SHANK2: variants seen among roughly 807,000 people sequenced by gnomAD.
SHANK2 encodes SH3 and multiple ankyrin repeat domains 2, also known as SH3 and multiple ankyrin repeat domains protein 2.
Under a neutral mutation model 133.7 loss-of-function variants are expected in SHANK2, and 43 were observed. The observed-to-expected ratio is 0.32, with a 90% CI of 0.25 to 0.41. The LOEUF is 0.41. Ranked by LOEUF, SHANK2 falls within the 10% of genes least tolerant of loss-of-function variation. SHANK2 has a pLI of 1.00. For missense variants in SHANK2, 1,994 were observed against 2,235.8 expected, an observed-to-expected ratio of 0.89 and a Z score of 2.18; for synonymous variants, 1,017 against 952.8, an observed-to-expected ratio of 1.07 and a Z score of -1.24.
At position 70,863,828 on chromosome 11, in the gene SHANK2, A is replaced by T. The variant is rs369445840; in HGVS notation, c.1174+32673T>A. The T allele has an allele frequency of 9.8e-5, 45 of 457,780 alleles. 1 individual carries two copies. Among genetic ancestry groups the T allele is most frequent in the East Asian group, 4.9e-4 (7 of 14,382 alleles). 28.4% of individuals were successfully genotyped at this position (457,780 alleles called of 1,614,324 possible). On this transcript the variant is annotated intron_variant, in intron 11 of 25. Transcript: ENST00000601538. ...AGAAGAGGAAACCTGGACAGACAGGAAGAAACCGAGTGAGGATGACGACAG... is the reference window on the plus strand; with the variant it reads ...AGAAGAGGAAACCTGGACAGACAGGTAGAAACCGAGTGAGGATGACGACAG...
At chr11:70,935,434 G>A (rs1950558690) in intron 10 of SHANK2, among the ~76,000 whole-genome samples, 6 of 152,110 alleles carry the variant, frequency 3.9e-5, no homozygotes, top group East Asian at 1.9e-4. Flanking sequence ...CCCCTATTAC[G>A]TGGTTAGCCA....
intron 10 of SHANK2, among the ~76,000 whole-genome samples, chr11:70,951,927 T>C (rs1950851191): frequency 6.6e-6 from 1 of 152,242 alleles, no homozygotes; most frequent in Admixed American, 6.5e-5. Flanking sequence ...AGAGGACATC[T>C]TTCAAGATTA....
intron 3 of SHANK2, among the ~76,000 whole-genome samples, chr11:71,143,821 G>T (rs576196556): frequency 6.6e-6 from 1 of 151,940 alleles, no homozygotes; most frequent in South Asian, 2.1e-4. Flanking sequence ...GTGACCAGGG[G>T]CTTGTAGGAA....
At chr11:70,906,018 G>A (rs1028309366) in intron 10 of SHANK2, among the ~76,000 whole-genome samples, 4 of 152,052 alleles carry the variant, frequency 2.6e-5, no homozygotes, top group African/African-American at 2.4e-5. Flanking sequence ...TCACCATGCT[G>A]GCCAGGCTGA....
chr11:71,158,321 T>A (rs1952942270), intron 2 of SHANK2, among the ~76,000 whole-genome samples: 2 of 151,778 alleles, frequency 1.3e-5, no homozygotes, highest in Admixed American at 6.6e-5. Context: ...ACATTAGCAA[T>A]AAACAATTGA....
At chr11:70,949,332 T>G (rs1218203888) in intron 10 of SHANK2, among the ~76,000 whole-genome samples, 1 of 152,166 alleles carries the variant, frequency 6.6e-6, no homozygotes, top group Non-Finnish European at 1.5e-5. Flanking sequence ...TCCCCAGGCC[T>G]GGCATGCTGC....
intron 17 of SHANK2, among the ~76,000 whole-genome samples, chr11:70,531,177 A>AAC (rs2059464225): frequency 6.8e-6 from 1 of 146,238 alleles, no homozygotes; most frequent in Non-Finnish European, 1.5e-5. Flanking sequence ...AAAAAAAAAA[A>AAC]AAAACAAAAA....
At position 70,869,166 on chromosome 11, in the gene SHANK2, C is replaced by A. The variant is rs144765367; in HGVS notation, c.1174+27335G>T. On this transcript the variant is annotated intron_variant, in intron 11 of 25. Transcript: ENST00000601538. Reference sequence around the variant, plus strand: ...TCTACAAGCCAAGGAGAGAGGTCTCCGGAGGAACCAGTCCAGAGACCCCTT... The same window carrying A: ...TCTACAAGCCAAGGAGAGAGGTCTCAGGAGGAACCAGTCCAGAGACCCCTT... Among the ~76,000 whole-genome samples, 3 of 152,132 alleles carry A rather than the reference C, an allele frequency of 2.0e-5. No individual in the cohort carries two copies. The East Asian group carries it at 5.8e-4, about 29-fold the overall frequency.
rs2059526844 is a variant in SHANK2 at position 70,535,052 on chromosome 11, A to G, written c.2062-32121T>C. Reference sequence around the variant, plus strand: ...AGCTCTCACACTCTGCTTCCCACCCATGTTGAACAGGGCAGAGCTGACCTG... The same window carrying G: ...AGCTCTCACACTCTGCTTCCCACCCGTGTTGAACAGGGCAGAGCTGACCTG... On this transcript the variant is annotated intron_variant, in intron 17 of 25. Coordinates refer to ENST00000601538, the MANE Select transcript of SHANK2 (RefSeq NM_012309.5). This position sits in a 1 kb window ranked among gnomAD's most constrained non-coding sequence, Gnocchi z 4.3. Among the ~76,000 whole-genome samples the G allele has an allele frequency of 6.6e-6, 1 of 152,126 alleles. No individual in the cohort carries two copies. Among genetic ancestry groups the G allele is most frequent in the Non-Finnish European group, 1.5e-5 (1 of 68,016 alleles).
intron 2 of SHANK2, 61 bp from the exon 3 acceptor site, chr11:71,147,399 G>A (rs1952676561): frequency 1.4e-6 from 2 of 1,384,508 alleles, no homozygotes; most frequent in East Asian, 5.1e-5. Context: ...GAAAACCCAG[G>A]GGCACGGTGG....
chr11:70,591,238 GC>G (rs2060316737), intron 17 of SHANK2, among the ~76,000 whole-genome samples: 1 of 152,148 alleles, frequency 6.6e-6, no homozygotes, highest in Admixed American at 6.5e-5. Context: ...TGGGATCCCA[GC>G]TACTAGGGAG....
intron 17 of SHANK2, among the ~76,000 whole-genome samples, chr11:70,631,399 CACACACACA>C (rs2060987095): frequency 4.7e-5 from 7 of 150,410 alleles, no homozygotes; most frequent in Non-Finnish European, 8.9e-5. Flanking sequence ...CACACACACA[CACACACACA>C]CCCACACAAC....
chr11:70,919,642 A>C (rs1190406430), intron 10 of SHANK2, among the ~76,000 whole-genome samples: 2 of 152,202 alleles, frequency 1.3e-5, no homozygotes, highest in Non-Finnish European at 2.9e-5. Context: ...TTGACCTCCC[A>C]AGGTGCTGGG....
chr11:70,779,773 A>C (rs1555044745), intron 14 of SHANK2, among the ~76,000 whole-genome samples: 1 of 152,194 alleles, frequency 6.6e-6, no homozygotes, highest in African/African-American at 2.4e-5. Flanking sequence ...TATGGCCTGC[A>C]GAGGTCCTGC....
At chr11:70,943,567 C>T (rs896814234) in intron 10 of SHANK2, among the ~76,000 whole-genome samples, 4 of 152,072 alleles carry the variant, frequency 2.6e-5, no homozygotes, top group Admixed American at 6.5e-5. Context: ...TACCCCTGGG[C>T]GGCAGGGACA....
chr11:70,706,629 C>T (rs1371612277), intron 14 of SHANK2, among the ~76,000 whole-genome samples: 1 of 152,022 alleles, frequency 6.6e-6, no homozygotes, highest in Admixed American at 6.6e-5. Context: ...TGTAAGGCGA[C>T]TCACCCCATG....
At chr11:70,954,209 C>T (rs1452667407) in intron 10 of SHANK2, among the ~76,000 whole-genome samples, 1 of 152,194 alleles carries the variant, frequency 6.6e-6, no homozygotes, top group Non-Finnish European at 1.5e-5. Context: ...GCTCATTTAA[C>T]AAGGAAAGAA....
chr11:70,540,295 G>C (rs2059602739), intron 17 of SHANK2, among the ~76,000 whole-genome samples: 2 of 152,190 alleles, frequency 1.3e-5, no homozygotes, highest in South Asian at 4.1e-4. Flanking sequence ...ATCTCTGCAA[G>C]AAGGAGAACA....
intron 11 of SHANK2, among the ~76,000 whole-genome samples, chr11:70,869,395 G>A (rs1053699045): frequency 4.6e-5 from 7 of 152,198 alleles, no homozygotes; most frequent in African/African-American, 1.7e-4. Context: ...GGGATGCACC[G>A]ATCGGCACGT....
Sources: allele counts gnomAD v4.1 joint callset (sites outside exome capture counted in the v4.1 genomes callset), GRCh38; gene constraint gnomAD v4.1.1; non-coding constraint Gnocchi (gnomAD v3.1); transcripts MANE v1.5; gene names NCBI Gene and HGNC (gene_info 2026-07-23, HGNC 2026-07-21).